The following MRC1 variants were observed in gnomAD, a reference collection of about 807,000 sequenced individuals.
The protein encoded by MRC1 is macrophage mannose receptor 1.
A neutral mutation model predicts 102.9 loss-of-function variants in MRC1; 62 were observed. The observed-to-expected ratio is 0.60, with a 90% CI of 0.49 to 0.74. The LOEUF is 0.74. Among genes scored for constraint, MRC1 ranks in the 30% least tolerant of loss-of-function variants. The probability of loss-of-function intolerance (pLI) is 0.00; values close to 1 mark genes in which losing one functional copy is unlikely to be tolerated. For missense variants in MRC1, 1,237 were observed against 862.8 expected (o/e 1.43, Z -5.43); for synonymous variants, 457 against 298.4 (o/e 1.53, Z -5.48).
chr10:17,888,347 A>G (rs1833628857), intron 22 of MRC1, among the ~76,000 whole-genome samples: 1 of 152,186 alleles, frequency 6.6e-6, no homozygotes, highest in Non-Finnish European at 1.5e-5. Context: ...GTTGCAGCAC[A>G]TGGGATGAAG....
rs1833957969 is a variant in MRC1 at position 17,910,743 on chromosome 10, G to A, written c.*278G>A. On this transcript the variant is annotated 3_prime_UTR_variant, in exon 30 of 30. Transcript: ENST00000569591. ...ATCTAAGCATTAGTGATGGGTAGCTGATGTCAGCTTCATGTGGATTTTAAG... is the reference window on the plus strand; with the variant it reads ...ATCTAAGCATTAGTGATGGGTAGCTAATGTCAGCTTCATGTGGATTTTAAG... 1 of 451,480 alleles carries A rather than the reference G, an allele frequency of 2.2e-6. No homozygotes were observed. The allele number at this position is 451,480 out of a possible 1,614,324, so 28.0% of individuals were successfully genotyped here.
At chr10:17,867,707 C>A (rs915114996) in intron 12 of MRC1, among the ~76,000 whole-genome samples, 2 of 152,176 alleles carry the variant, frequency 1.3e-5, no homozygotes, top group African/African-American at 2.4e-5. Flanking sequence ...TAGGCATGAG[C>A]CAGTGCACCC....
chr10:17,811,300 G>A (rs1393689457), intron 1 of MRC1, among the ~76,000 whole-genome samples: 2 of 152,112 alleles, frequency 1.3e-5, no homozygotes, highest in East Asian at 3.9e-4. Flanking sequence ...TATCATACTG[G>A]GCAGCACAGA....
At position 17,881,124 on chromosome 10, in the gene MRC1, A is replaced by C; in HGVS notation, c.2923A>C (p.Lys975Gln). Residue 975 changes from lysine to glutamine, a missense_variant, in exon 21 of 30, where the codon AAA (lysine) becomes CAA (glutamine). Coordinates refer to ENST00000569591, the MANE Select transcript of MRC1 (RefSeq NM_002438.4). ...AAGAAAAAATTGGCAAGAGGCACGA[A>C]AAGCTTGTATAGGCTTTGGAGGGAA... Reference protein sequence around the residue: ...EERKNWQEARKACIGFGGNLV... With the variant: ...EERKNWQEARQACIGFGGNLV... The C allele has an allele frequency of 1.3e-6, 1 of 780,826 alleles. No individual in the cohort carries two copies. The highest frequency in any genetic ancestry group is 2.4e-6 in the Non-Finnish European group (1 of 417,938). 48.4% of individuals were successfully genotyped at this position (780,826 alleles called of 1,614,324 possible). A position where few individuals can be genotyped will look rare whatever the true frequency, so the allele number is the denominator to read the frequency against.
In MRC1 at chr10:17,910,636, A is replaced by G. The variant is rs1393202896; in HGVS notation, c.*171A>G. 7.4e-6 allele frequency: 5 copies of G among 677,222 alleles called. No individual in the cohort carries two copies. The highest frequency in any genetic ancestry group is 1.1e-5 in the Non-Finnish European group (4 of 376,556). 42.0% of individuals were successfully genotyped at this position (677,222 alleles called of 1,614,324 possible). ...ATTGCTTGTTTTCTAGCCTGGCAAG[A>G]TATTTTCATAAAAGAGGGATAACAA... is the stretch of plus-strand genomic sequence containing the variant. On this transcript the variant is annotated 3_prime_UTR_variant, in exon 30 of 30. Transcript: ENST00000569591.
chr10:17,825,919 TA>T (rs1838468014), intron 2 of MRC1, among the ~76,000 whole-genome samples: 1 of 152,206 alleles, frequency 6.6e-6, no homozygotes, highest in Non-Finnish European at 1.5e-5. Flanking sequence ...AGCGTGTTCC[TA>T]ATACAATATA....
At chr10:17,879,443 C>G (rs1833482345) in intron 18 of MRC1, among the ~76,000 whole-genome samples, 1 of 152,202 alleles carries the variant, frequency 6.6e-6, no homozygotes, top group African/African-American at 2.4e-5. Flanking sequence ...CAGCCTCCGC[C>G]TCCCAGTTCA....
chr10:17,880,717 G>T, intron 20 of MRC1, 47 bp downstream of exon 20: 1 of 779,758 alleles, frequency 1.3e-6, no homozygotes, highest in Non-Finnish European at 2.4e-6. Context: ...AGTATGGAGA[G>T]TGATGCAAAT....
chr10:17,895,668 G>A (rs1833744501), intron 23 of MRC1, among the ~76,000 whole-genome samples: 1 of 152,114 alleles, frequency 6.6e-6, no homozygotes, highest in African/African-American at 2.4e-5. Flanking sequence ...AATTAAGATG[G>A]TGTTTATATA....
intron 5 of MRC1, among the ~76,000 whole-genome samples, chr10:17,844,105 A>G (rs1298417293): frequency 2.0e-5 from 3 of 152,250 alleles, no homozygotes; most frequent in East Asian, 1.9e-4. Context: ...GATAAGGCAT[A>G]GCTGCTGAAA....
chr10:17,843,542 G>A (rs974246103), intron 5 of MRC1, among the ~76,000 whole-genome samples: 2 of 152,048 alleles, frequency 1.3e-5, no homozygotes, highest in East Asian at 1.9e-4. Flanking sequence ...GTGGGCACTT[G>A]TAGTCCCAGC....
Position 17,906,967 on chromosome 10 carries a change from AT to A in MRC1, c.3886del (p.Trp1296GlyfsTer2). 1.3e-6 allele frequency: 1 copy of A among 799,018 alleles called. No homozygotes were observed. Among genetic ancestry groups the A allele is most frequent in the Non-Finnish European group, 2.3e-6 (1 of 434,594 alleles). 49.5% of individuals were successfully genotyped at this position (799,018 alleles called of 1,614,324 possible). A position where few individuals can be genotyped will look rare whatever the true frequency, so the allele number is the denominator to read the frequency against. On this transcript the variant is annotated frameshift_variant, in exon 27 of 30. Coordinates refer to ENST00000569591, the MANE Select transcript of MRC1 (RefSeq NM_002438.4). LOFTEE classifies it high-confidence loss of function. The part of the protein sequence containing the change: ...YRVEPLKSKT[N>X]FWIGLFRNVE... Reference sequence around the variant, plus strand: ...GTTGAGCCACTTAAAAGTAAAACCAATTTTTGGATAGGATTGTTCAGAAATG... The same window carrying A: ...GTTGAGCCACTTAAAAGTAAAACCAATTTTGGATAGGATTGTTCAGAAATG...
intron 22 of MRC1, among the ~76,000 whole-genome samples, chr10:17,892,148 C>T (rs1458500765): frequency 2.6e-5 from 4 of 152,162 alleles, no homozygotes; most frequent in Admixed American, 2.0e-4. Context: ...AATGCTCTGT[C>T]GTATTTTAAA....
intron 1 of MRC1, among the ~76,000 whole-genome samples, chr10:17,814,677 C>CTTT (rs1179816829): frequency 1.3e-4 from 11 of 85,176 alleles, no homozygotes; most frequent in South Asian, 5.4e-4. Context: ...TTCCGTCCCT[C>CTTT]TTTTTTTTTT....
At chr10:17,838,447 A>G (rs1351356845) in intron 4 of MRC1, among the ~76,000 whole-genome samples, 1 of 152,038 alleles carries the variant, frequency 6.6e-6, no homozygotes, top group African/African-American at 2.4e-5. Context: ...GTGCAGGATG[A>G]GGATTTACAG....
chr10:17,845,877 A>G (rs1322763746), intron 6 of MRC1, among the ~76,000 whole-genome samples: 1 of 152,164 alleles, frequency 6.6e-6, no homozygotes, highest in Non-Finnish European at 1.5e-5. Flanking sequence ...AAGTTTTCAT[A>G]AAATAGAATA....
intron 16 of MRC1, 95 bp from the exon 17 acceptor site, chr10:17,874,995 A>G (rs1833410251): frequency 1.3e-6 from 1 of 771,464 alleles, no homozygotes; most frequent in Admixed American, 1.7e-5. Flanking sequence ...CTCTTGATAT[A>G]GCAGCTCTAT....
chr10:17,827,453 G>GAGTAAT, intron 2 of MRC1, 89 bp from the exon 3 acceptor site: 1 of 588,390 alleles, frequency 1.7e-6, no homozygotes, highest in Non-Finnish European at 3.2e-6. Context: ...AGAACAGTAA[G>GAGTAAT]ACCAATTCCT....
At chr10:17,817,472 A>C (rs953831610) in intron 1 of MRC1, among the ~76,000 whole-genome samples, 17 of 152,098 alleles carry the variant, frequency 1.1e-4, no homozygotes, top group Admixed American at 9.8e-4. Context: ...CACAGCAGAG[A>C]GTGTGCTCAA....
Sources: gnomAD v4.1 joint callset for allele counts (sites outside exome capture counted in the v4.1 genomes callset) on GRCh38, gnomAD v4.1.1 for gene constraint, MANE v1.5 for transcripts, NCBI Gene and HGNC (gene_info 2026-07-23, HGNC 2026-07-21) for gene names.